The following PTPRD variants were observed in gnomAD, a reference collection of about 807,000 sequenced individuals.
PTPRD encodes receptor-type tyrosine-protein phosphatase delta.
A neutral mutation model predicts 214.5 loss-of-function variants in PTPRD; 34 were observed. That is an observed-to-expected ratio of 0.16 (90% CI 0.12 to 0.21). PTPRD has a LOEUF of 0.21. Among genes scored for constraint, PTPRD ranks in the 10% least tolerant of loss-of-function variants. The pLI is 1.00. For missense variants in PTPRD, 2,545 were observed against 2,398.7 expected (o/e 1.06, Z -1.27); for synonymous variants, 1,128 against 845.7 (o/e 1.33, Z -5.79).
chr9:9,195,111 C>CACAA lies in PTPRD; in HGVS notation c.-202-11749_-202-11748insTTGT, dbSNP rs1569560970. 1.9e-4 allele frequency among the ~76,000 whole-genome samples: 20 copies of CACAA among 104,706 alleles called. No individual in the cohort carries two copies. In the South Asian group the frequency reaches 7.3e-3, roughly 38 times the overall value. 68.7% of individuals were successfully genotyped at this position (104,706 alleles called of 152,430 possible). A position where few individuals can be genotyped will look rare whatever the true frequency, so the allele number is the denominator to read the frequency against. ...GTATATATATATATATATATATACA[C>CACAA]ACACACACATATACATACATACCCA... On this transcript the variant is annotated intron_variant, in intron 9 of 45. Coordinates refer to ENST00000381196, the MANE Select transcript of PTPRD (RefSeq NM_002839.4).
At chr9:10,429,236 A>G (rs1248039091) in intron 2 of PTPRD, among the ~76,000 whole-genome samples, 2 of 151,960 alleles carry the variant, frequency 1.3e-5, no homozygotes, top group Admixed American at 1.3e-4. Flanking sequence ...TGTTGGTAGG[A>G]ATGTAAATTA....
At chr9:10,336,347 C>A (rs1161147459) in intron 3 of PTPRD, among the ~76,000 whole-genome samples, 1 of 151,284 alleles carries the variant, frequency 6.6e-6, no homozygotes, top group Admixed American at 6.6e-5. Context: ...AGGAGAATAC[C>A]AGTTTTGTGT....
chr9:8,317,980 G>C (rs374835481), intron 45 of PTPRD, 38 bp from the exon 46 acceptor site: 5 of 1,554,836 alleles, frequency 3.2e-6, no homozygotes, highest in African/African-American at 1.4e-5. Flanking sequence ...CAAAAGAAGG[G>C]ACCATGAGCA....
chr9:10,567,548 T>G (rs1244444070), intron 2 of PTPRD, among the ~76,000 whole-genome samples: 1 of 152,116 alleles, frequency 6.6e-6, no homozygotes, highest in Non-Finnish European at 1.5e-5. Flanking sequence ...AGTGGGTGCT[T>G]ATAGCCCTAC....
At chr9:10,529,143 C>T (rs1011171659) in intron 2 of PTPRD, among the ~76,000 whole-genome samples, 27 of 152,066 alleles carry the variant, frequency 1.8e-4, no homozygotes, top group African/African-American at 6.5e-4. Context: ...TCACATATCT[C>T]TTTTAAATGC....
intron 3 of PTPRD, among the ~76,000 whole-genome samples, chr9:10,113,121 C>T (rs556261824): frequency 1.2e-4 from 19 of 152,204 alleles, no homozygotes; most frequent in African/African-American, 3.1e-4. Flanking sequence ...TTGTCAGCAG[C>T]GTTTTGAGAG....
Position 8,659,017 on chromosome 9 carries a change from T to A in PTPRD, c.65-22173A>T, listed in dbSNP as rs1009067445. Among the ~76,000 whole-genome samples the A allele has an allele frequency of 2.6e-5, 4 of 152,086 alleles. No homozygotes were observed. The East Asian group carries it at 7.7e-4, about 29-fold the overall frequency. Reference sequence around the variant, plus strand: ...TGCCGCAGGCCCTTTGCTTCCTTCATCCTTAGGAAGCCTTGAACTTATTCT... The same window carrying A: ...TGCCGCAGGCCCTTTGCTTCCTTCAACCTTAGGAAGCCTTGAACTTATTCT... On this transcript the variant is annotated intron_variant, in intron 12 of 45. Transcript: ENST00000381196.
Position 8,733,880 on chromosome 9 carries a change from A to T in PTPRD, c.-37T>A, listed in dbSNP as rs1446715936. ...GCAGCAGCGTGCGCGAGCAGCTTGGAATCACTGCCTCCGGAGCCGCAGCGA... is the reference window on the plus strand; with the variant it reads ...GCAGCAGCGTGCGCGAGCAGCTTGGTATCACTGCCTCCGGAGCCGCAGCGA... On this transcript the variant is annotated 5_prime_UTR_variant, in exon 12 of 46. Transcript: ENST00000381196. The T allele has an allele frequency of 1.3e-6, 2 of 1,546,408 alleles. No homozygotes were observed. The highest frequency in any genetic ancestry group is 2.7e-5 in the African/African-American group (2 of 72,978).
intron 11 of PTPRD, among the ~76,000 whole-genome samples, chr9:8,858,796 A>AACACACACAC (rs71317379): frequency 0.079 from 11,248 of 141,694 alleles, 598 homozygotes; most frequent in Middle Eastern, 0.21. Context: ...TGAAGGAGGC[A>AACACACACAC]ACACACACAC....
At chr9:8,796,371 C>T (rs2096422826) in intron 11 of PTPRD, among the ~76,000 whole-genome samples, 1 of 151,988 alleles carries the variant, frequency 6.6e-6, no homozygotes, top group Non-Finnish European at 1.5e-5. Flanking sequence ...TGACCTTTAC[C>T]ATTAATACAA....
chr9:9,169,407 A>G (rs2099910297), intron 10 of PTPRD, among the ~76,000 whole-genome samples: 2 of 152,148 alleles, frequency 1.3e-5, no homozygotes, highest in African/African-American at 4.8e-5. Flanking sequence ...AGTATTTGGA[A>G]AGAAAATATA....
At chr9:9,544,918 C>G (rs1433306734) in intron 8 of PTPRD, among the ~76,000 whole-genome samples, 1 of 151,728 alleles carries the variant, frequency 6.6e-6, no homozygotes, top group East Asian at 1.9e-4. Context: ...GGGTTTCTGA[C>G]TATACCTGAA....
chr9:9,792,118 CT>C (rs1313110119), intron 5 of PTPRD, among the ~76,000 whole-genome samples: 1 of 33,600 alleles, frequency 3.0e-5, no homozygotes, highest in African/African-American at 4.4e-4. Flanking sequence ...TTTTCTGACA[CT>C]TTTTAAAAAA....
chr9:8,624,991 C>T lies in PTPRD; in HGVS notation c.352+8326G>A, dbSNP rs1191405553. Among the ~76,000 whole-genome samples the T allele has an allele frequency of 6.6e-5, 10 of 151,872 alleles. No homozygotes were observed. In the East Asian group the frequency reaches 1.9e-3, roughly 30 times the overall value. ...TATCTACATAACCATATCTATAGAT[C>T]CCTCTACATATGTACCTGTTCATGC... On this transcript the variant is annotated intron_variant, in intron 14 of 45. Coordinates refer to ENST00000381196, the MANE Select transcript of PTPRD (RefSeq NM_002839.4).
rs555300660 is a variant in PTPRD at position 9,663,621 on chromosome 9, C to T, written c.-287+70912G>A. Among the ~76,000 whole-genome samples, 13 of 151,650 alleles carry T rather than the reference C, an allele frequency of 8.6e-5. 1 individual carries two copies. The South Asian group carries it at 1.9e-3, about 22-fold the overall frequency. ...TTGTTGCTCAATTTAAAAACTTGAG[C>T]GTCATCACTGACAACTCTCTCTCCT... On this transcript the variant is annotated intron_variant, in intron 7 of 45. Transcript: ENST00000381196.
chr9:10,537,357 T>C (rs1468668025), intron 2 of PTPRD, among the ~76,000 whole-genome samples: 1 of 152,170 alleles, frequency 6.6e-6, no homozygotes, highest in East Asian at 1.9e-4. Context: ...ACACATTCTG[T>C]TTTGTTTCCT....
chr9:8,841,741 G>C (rs2097562334), intron 11 of PTPRD, among the ~76,000 whole-genome samples: 1 of 151,722 alleles, frequency 6.6e-6, no homozygotes, highest in South Asian at 2.1e-4. Context: ...GCCTGGCACG[G>C]TGGCTCACTC....
At chr9:10,586,508 ATAG>A (rs2073933180) in intron 2 of PTPRD, among the ~76,000 whole-genome samples, 1 of 152,116 alleles carries the variant, frequency 6.6e-6, no homozygotes, top group African/African-American at 2.4e-5. Context: ...AATTCTCTAT[ATAG>A]TACCTTGTGA....
In PTPRD at chr9:8,911,455, GACAA is replaced by G. The variant is rs1587887736; in HGVS notation, c.-104+107238_-104+107241del. ...TGTGTGTGTGTGAGAGAGAGAGAGAGACAAAGAGAGAATGAATGACAACACTTTT... is the reference window on the plus strand; with the variant it reads ...TGTGTGTGTGTGAGAGAGAGAGAGAGAGAGAGAATGAATGACAACACTTTT... On this transcript the variant is annotated intron_variant, in intron 11 of 45. Transcript: ENST00000381196. 2.0e-5 allele frequency among the ~76,000 whole-genome samples: 3 copies of G among 151,134 alleles called. No individual in the cohort carries two copies. In the East Asian group the frequency reaches 5.9e-4, roughly 29 times the overall value.
Sources: gnomAD v4.1 joint callset for allele counts (sites outside exome capture counted in the v4.1 genomes callset) on GRCh38, gnomAD v4.1.1 for gene constraint, MANE v1.5 for transcripts, NCBI Gene and HGNC (gene_info 2026-07-23, HGNC 2026-07-21) for gene names.